Variants in DIDO1 observed in about 807,000 individuals in gnomAD.
The protein encoded by DIDO1 is death inducer-obliterator 1, also known as death-inducer obliterator 1.
A neutral mutation model predicts 99.4 loss-of-function variants in DIDO1; 16 were observed. The ratio of observed to expected loss-of-function variants is 0.16; its 90% confidence interval spans 0.11 to 0.24. DIDO1 has a LOEUF of 0.24. Ranked by LOEUF, DIDO1 falls within the 10% of genes least tolerant of loss-of-function variation. The pLI, the probability that DIDO1 is intolerant of heterozygous loss-of-function variation, is 1.00. For synonymous variants in DIDO1, 1,366 were observed against 1,239.1 expected (o/e 1.10, Z -2.15); for missense variants, 2,996 against 3,014.0 (o/e 0.99, Z 0.14).
chr20:62,935,471 G>C (rs62200662), intron 1 of DIDO1, among the ~76,000 whole-genome samples: 4,065 of 152,240 alleles, frequency 0.027, 68 homozygotes, highest in African/African-American at 0.035. Context: ...GCTAAGTTAG[G>C]ATTCTGTGCA....
intron 15 of DIDO1, 173 bp downstream of exon 15, chr20:62,890,787 T>G: frequency 6.9e-7 from 1 of 1,455,832 alleles, no homozygotes; most frequent in Non-Finnish European, 9.0e-7. Flanking sequence ...GTACTTCTCG[T>G]GCCACAGTCC....
intron 15 of DIDO1, among the ~76,000 whole-genome samples, chr20:62,885,213 C>T (rs1036112362): frequency 6.6e-5 from 10 of 152,156 alleles, no homozygotes; most frequent in South Asian, 2.1e-4. Context: ...GAACCTGACA[C>T]GGGGAACAGA....
Position 62,890,940 on chromosome 20 carries a change from C to G in DIDO1, c.3541+20G>C, listed in dbSNP as rs766320686. ...CAGGTGCAGGTGGGCCTCACCTCCA[C>G]CCAGAAAGCCGGCGCTTACCTGGTC... On this transcript the variant is annotated intron_variant, in intron 15 of 15. Transcript: ENST00000395343. 6.2e-7 allele frequency: 1 copy of G among 1,613,062 alleles called. No individual in the cohort carries two copies. The highest frequency in any genetic ancestry group is 8.5e-7 in the Non-Finnish European group (1 of 1,180,028).
chr20:62,893,771 G>A lies in DIDO1; in HGVS notation c.2996C>T (p.Pro999Leu), dbSNP rs745315732. 50 of 1,614,156 alleles carry A rather than the reference G, an allele frequency of 3.1e-5. No individual in the cohort carries two copies. The highest frequency in any genetic ancestry group is 2.2e-4 in the Admixed American group (13 of 60,020). The change falls in exon 12 of 16, where the codon CCG (proline) becomes CTG (leucine). Residue 999 changes from proline (P) to leucine (L), a missense_variant. By Grantham distance (98) the Pro-to-Leu change is moderately conservative. Around this residue, in one of 5 missense-constraint regions of DIDO1, gnomAD observed 898 missense variants for 972.7 expected, o/e 0.92. Transcript: ENST00000395343. Reference protein sequence around the residue: ...THMVEARQDVPKPVLTSVMVP... With the variant: ...THMVEARQDVLKPVLTSVMVP... ...CATCACAGAAGTCAAGACAGGCTTC[G>A]GCACATCCTGTCTGGCTTCCACCAT...
In DIDO1 at chr20:62,890,801, G is replaced by A. The variant is rs567396539; in HGVS notation, c.3541+159C>T. On this transcript the variant is annotated intron_variant, in intron 15 of 15. Coordinates refer to ENST00000395343, the MANE Select transcript of DIDO1 (RefSeq NM_001193369.2). ...GGTACTTCTCGTGCCACAGTCCTAC[G>A]CCCTCAAAGATGAATCCTATTGCTA... 8.5e-5 allele frequency: 127 copies of A among 1,491,176 alleles called. No homozygotes were observed. The East Asian group carries it at 2.6e-3, about 30-fold the overall frequency. 92.4% of individuals were successfully genotyped at this position (1,491,176 alleles called of 1,614,324 possible).
intron 6 of DIDO1, among the ~76,000 whole-genome samples, chr20:62,902,167 A>G (rs2064697636): frequency 6.6e-6 from 1 of 152,204 alleles, no homozygotes; most frequent in Non-Finnish European, 1.5e-5. Context: ...CTGATGTGGG[A>G]CTTCACCGTG....
rs570206827 is a variant in DIDO1, at chr20:62,908,006, G to A, written c.1162-647C>T. On this transcript the variant is annotated intron_variant, in intron 4 of 15. Coordinates refer to ENST00000395343, the MANE Select transcript of DIDO1 (RefSeq NM_001193369.2). ...TACTTTTTTTTTTGTTTGAGACAGG[G>A]TCTCGCTCTGTTGCCCAGGCCGGAG... Among the ~76,000 whole-genome samples the A allele has an allele frequency of 2.0e-5, 3 of 152,132 alleles. No homozygotes were observed. The South Asian group carries it at 6.2e-4, about 32-fold the overall frequency.
In DIDO1 at chr20:62,880,917, C is replaced by G; in HGVS notation, c.5039G>C (p.Arg1680Thr). The change falls in exon 16 of 16, where the codon AGG becomes ACG. Residue 1680 changes from arginine (R) to threonine (T), a missense_variant. This residue lies in a region of DIDO1 where 1,562 missense variants were observed against 1,412.6 expected (regional missense o/e 1.11). Coordinates refer to ENST00000395343, the MANE Select transcript of DIDO1 (RefSeq NM_001193369.2). ...GAACCCCGGGCAGGTGAAAGGGTCC[C>G]TCTCACCGTCGTGCTGCAGCGGGAA... The part of the protein sequence containing the change: ...PGFPLQHDGE[R>T]DPFTCPGFAS... 1.9e-6 allele frequency: 3 copies of G among 1,610,412 alleles called. No individual in the cohort carries two copies. The highest frequency in any genetic ancestry group is 2.5e-6 in the Non-Finnish European group (3 of 1,179,882).
chr20:62,929,997 CGAGGTGGGTGGATCGCCT>C (rs1339719411), upstream of DIDO1, among the ~76,000 whole-genome samples: 2 of 151,808 alleles, frequency 1.3e-5, no homozygotes, highest in Non-Finnish European at 2.9e-5. Context: ...TTAGGTAGGC[CGAGGTGGGTGGATCGCCT>C]GAGGTCCTGA....
At chr20:62,927,260 C>G (rs1652839827), upstream of DIDO1, among the ~76,000 whole-genome samples, 1 of 152,210 alleles carries the variant, frequency 6.6e-6, no homozygotes, top group Non-Finnish European at 1.5e-5. Context: ...GTAGCTAGAA[C>G]TCAAAGAACG....
chr20:62,893,088 G>T, intron 12 of DIDO1, 126 bp from the exon 13 acceptor site: 1 of 1,029,798 alleles, frequency 9.7e-7, no homozygotes, highest in Non-Finnish European at 1.4e-6. Context: ...GTGCGGTGGT[G>T]CAACACAGCT....
chr20:62,926,037 CTTACAAGCCA>C (rs1200174838), intron 1 of DIDO1, among the ~76,000 whole-genome samples: 1 of 152,122 alleles, frequency 6.6e-6, no homozygotes, highest in Non-Finnish European at 1.5e-5. Context: ...ACCAGCTGCG[CTTACAAGCCA>C]GCTACGCAGC....
rs1356422324 is a variant in DIDO1 at position 62,882,257 on chromosome 20, T to C, written c.3699A>G (p.Thr1233=). ...ADVPAYPKVA[T]VPQSEKKPSK... is the part of the protein sequence containing the mutation. ...AGGGCTTCTTTTCCGACTGCGGGAC[T>C]GTGGCTACTTTTGGATAGGCCGGAA... Residue 1233 remains threonine (T), a synonymous_variant, in exon 16 of 16, where the codon ACA becomes ACG. Transcript: ENST00000395343. The C allele has an allele frequency of 2.5e-6, 4 of 1,613,926 alleles. No individual in the cohort carries two copies. The highest frequency in any genetic ancestry group is 3.4e-6 in the Non-Finnish European group (4 of 1,180,042).
Position 62,893,956 on chromosome 20 carries a change from A to C in DIDO1, c.2811T>G (p.His937Gln). The change falls in exon 12 of 16, where the codon CAT becomes CAG. Residue 937 changes from histidine (H) to glutamine (Q), a missense_variant. Physicochemically the swap from His to Gln is conservative, Grantham distance 24 (BLOSUM62 0). Coordinates refer to ENST00000395343, the MANE Select transcript of DIDO1 (RefSeq NM_001193369.2). ...TYFPGPPGDG[H>Q]PEPSPLEDLS... ...GGTCTTCCAGCGGGGAGGGCTCGGG[A>C]TGGCCATCTCCTGGAGGCCCAGGGA... The C allele has an allele frequency of 6.2e-7, 1 of 1,612,536 alleles. No individual in the cohort carries two copies. The highest frequency in any genetic ancestry group is 8.5e-7 in the Non-Finnish European group (1 of 1,178,730).
rs201493141 is a variant in DIDO1 at position 62,881,672 on chromosome 20, G to C, written c.4284C>G (p.Pro1428=). Residue 1428 remains proline, a synonymous_variant, in exon 16 of 16, where the codon CCC becomes CCG. Coordinates refer to ENST00000395343, the MANE Select transcript of DIDO1 (RefSeq NM_001193369.2). The surrounding 1 kb of genome is among the most constrained non-coding windows in gnomAD (Gnocchi z 8.3). ...AAEREEVAYD[P]EDETILEEAK... ...CTTCTTCTAAGATGGTCTCATCCTC[G>C]GGGTCATAGGCCACCTCTTCCCGCT... 6.2e-7 allele frequency: 1 copy of C among 1,612,598 alleles called. No homozygotes were observed. The highest frequency in any genetic ancestry group is 8.5e-7 in the Non-Finnish European group (1 of 1,180,016).
chr20:62,890,806 C>T, intron 15 of DIDO1, 154 bp downstream of exon 15: 1 of 1,504,734 alleles, frequency 6.6e-7, no homozygotes, highest in South Asian at 1.3e-5. Context: ...CCTACGCCCT[C>T]AAAGATGAAT....
rs1220776584 is a variant in DIDO1, at chr20:62,882,229, T to C, written c.3727A>G (p.Lys1243Glu). The C allele has an allele frequency of 1.9e-6, 3 of 1,613,728 alleles. No individual in the cohort carries two copies. The highest frequency in any genetic ancestry group is 2.2e-5 in the East Asian group (1 of 44,886). The change falls in exon 16 of 16, where the codon AAG becomes GAG. Residue 1243 changes from lysine (K) to glutamate (E), a missense_variant. This residue lies in a region of DIDO1 where 1,562 missense variants were observed against 1,412.6 expected (regional missense o/e 1.11). Transcript: ENST00000395343. The part of the protein sequence containing the change: ...TVPQSEKKPS[K>E]YPLCSADAAV... Reference sequence around the variant, plus strand: ...GCGTCTGCAGAGCAGAGTGGATACTTGGAGGGCTTCTTTTCCGACTGCGGG... The same window carrying C: ...GCGTCTGCAGAGCAGAGTGGATACTCGGAGGGCTTCTTTTCCGACTGCGGG...
chr20:62,893,266 A>G (rs1753469154), intron 12 of DIDO1, among the ~76,000 whole-genome samples: 2 of 152,230 alleles, frequency 1.3e-5, no homozygotes, highest in Non-Finnish European at 2.9e-5. Context: ...GCTCAAGCAC[A>G]TGCTGGGATG....
intron 15 of DIDO1, among the ~76,000 whole-genome samples, chr20:62,886,430 C>G (rs760383226): frequency 2.6e-5 from 4 of 152,204 alleles, no homozygotes; most frequent in Non-Finnish European, 4.4e-5. Context: ...AATCAGACCA[C>G]ACGCACAGGA....
Sources: allele counts gnomAD v4.1 joint callset (sites outside exome capture counted in the v4.1 genomes callset), GRCh38; gene constraint gnomAD v4.1.1; regional missense constraint gnomAD v4.1.1; non-coding constraint Gnocchi (gnomAD v3.1); transcripts MANE v1.5; gene names NCBI Gene and HGNC (gene_info 2026-07-23, HGNC 2026-07-21).